KIAA0825: variants seen among roughly 807,000 people sequenced by gnomAD.
KIAA0825 encodes the protein KIAA0825.
In KIAA0825, 119 loss-of-function variants were observed where a neutral mutation model predicts 147.6. The observed-to-expected ratio is 0.81, with a 90% CI of 0.69 to 0.94. The LOEUF (loss-of-function observed/expected upper bound fraction) is 0.94, where lower values mean the gene tolerates loss of function less well. Ranked by LOEUF, KIAA0825 falls within the 40% of genes least tolerant of loss-of-function variation. The pLI is 0.00. For synonymous variants in KIAA0825, 470 were observed against 518.1 expected (o/e 0.91, Z 1.26); for missense variants, 1,381 against 1,472.7 (o/e 0.94, Z 1.02).
At chr5:94,557,825 A>T (rs1044847226) in intron 2 of KIAA0825, among the ~76,000 whole-genome samples, 1 of 152,124 alleles carries the variant, frequency 6.6e-6, no homozygotes, top group Non-Finnish European at 1.5e-5. Flanking sequence ...TTTTCACTCT[A>T]TTAAATCTTG....
In KIAA0825 at chr5:94,594,721, T is replaced by C; in HGVS notation, c.-152-12138A>G. 8 of 634,128 alleles carry C rather than the reference T, an allele frequency of 1.3e-5. No individual in the cohort carries two copies. The East Asian group carries it at 2.2e-4, about 17-fold the overall frequency. The allele number at this position is 634,128 out of a possible 1,614,324, so 39.3% of individuals were successfully genotyped here. A position where few individuals can be genotyped will look rare whatever the true frequency, so the allele number is the denominator to read the frequency against. The stretch of plus-strand genomic sequence containing the variant: ...ATTCCTTGGTTTGAATGGAACTCTA[T>C]GGCACTGTCAACAAAGGATGCTTGG... On this transcript the variant is annotated intron_variant, in intron 1 of 20. Transcript: ENST00000682413.
intron 5 of KIAA0825, among the ~76,000 whole-genome samples, chr5:94,487,953 A>C (rs1029316451): frequency 6.6e-6 from 1 of 152,104 alleles, no homozygotes; most frequent in African/African-American, 2.4e-5. Context: ...ACCCTGTCTC[A>C]AAAACAAAAC....
At chr5:94,497,309 A>G (rs1219500500) in intron 5 of KIAA0825, among the ~76,000 whole-genome samples, 3 of 152,222 alleles carry the variant, frequency 2.0e-5, no homozygotes, top group Non-Finnish European at 4.4e-5. Context: ...GTCACCAATG[A>G]GAGCCAATGC....
In KIAA0825 at chr5:94,537,045, C is replaced by A; in HGVS notation, c.82G>T (p.Glu28Ter). The change falls in exon 3 of 21, where the codon GAG becomes TAG. Residue 28 changes from glutamate to a stop codon, truncating the protein, a stop_gained. Coordinates refer to ENST00000682413, the MANE Select transcript of KIAA0825 (RefSeq NM_001145678.3). LOFTEE classifies it high-confidence loss of function. ...TCATCAATGTCACTGAAGATCTGCT[C>A]AAACTCCAAGTCTCCAGGAAATGAG... Reference protein sequence around the residue: ...LNSFPGDLEFEQIFSDIDEKI... With the variant: ...LNSFPGDLEF The A allele has an allele frequency of 6.2e-7, 1 of 1,607,314 alleles. No individual in the cohort carries two copies. The highest frequency in any genetic ancestry group is 1.1e-5 in the South Asian group (1 of 90,774).
In KIAA0825 at chr5:94,274,253, A is replaced by T. The variant is rs548021834; in HGVS notation, c.3710+110115T>A. 3.9e-5 allele frequency among the ~76,000 whole-genome samples: 6 copies of T among 152,234 alleles called. No homozygotes were observed. In the East Asian group the frequency reaches 1.2e-3, roughly 29 times the overall value. On this transcript the variant is annotated intron_variant, in intron 20 of 20. Transcript: ENST00000682413. ...TGACATAAGGCTGGTTATTAATATG[A>T]GATGGTTGAACTATCTCTTTCACCC... is the stretch of plus-strand genomic sequence containing the variant.
In KIAA0825 at chr5:94,385,023, A is replaced by G. The variant is rs574877869; in HGVS notation, c.3620-565T>C. On this transcript the variant is annotated intron_variant, in intron 19 of 20. Coordinates refer to ENST00000682413, the MANE Select transcript of KIAA0825 (RefSeq NM_001145678.3). ...CCTTTTTCTCATTAATAGAAATTTC[A>G]CAACAGACTATGGAGAAAAATTACT... is the stretch of plus-strand genomic sequence containing the variant. Among the ~76,000 whole-genome samples, 101 of 152,330 alleles carry G rather than the reference A, an allele frequency of 6.6e-4. No homozygotes were observed. In the Middle Eastern group the frequency reaches 0.017, roughly 26 times the overall value.
intron 20 of KIAA0825, among the ~76,000 whole-genome samples, chr5:94,259,056 A>C (rs572074023): frequency 6.6e-6 from 1 of 152,038 alleles, no homozygotes; most frequent in East Asian, 1.9e-4. Flanking sequence ...AACTTTTCCC[A>C]ATTTGGTCCA....
At chr5:94,342,961 GA>G (rs1380763667) in intron 20 of KIAA0825, among the ~76,000 whole-genome samples, 2 of 151,928 alleles carry the variant, frequency 1.3e-5, no homozygotes, top group African/African-American at 4.8e-5. Context: ...CCAAAAAAGA[GA>G]AAACAAAAGC....
intron 20 of KIAA0825, among the ~76,000 whole-genome samples, chr5:94,251,977 C>T (rs752062021): frequency 6.6e-6 from 1 of 151,696 alleles, no homozygotes; most frequent in Non-Finnish European, 1.5e-5. Context: ...TTTTAAGATT[C>T]CTTTTGGTTG....
At chr5:94,362,160 A>G (rs1745155886) in intron 20 of KIAA0825, among the ~76,000 whole-genome samples, 1 of 152,206 alleles carries the variant, frequency 6.6e-6, no homozygotes, top group African/African-American at 2.4e-5. Context: ...TTGATCTATG[A>G]ACTACATAGG....
intron 3 of KIAA0825, among the ~76,000 whole-genome samples, chr5:94,528,662 C>G (rs775088083): frequency 6.6e-6 from 1 of 151,910 alleles, no homozygotes; most frequent in Non-Finnish European, 1.5e-5. Flanking sequence ...AAACTAGTGA[C>G]AGAAGCAAGA....
chr5:94,586,118 C>A (rs536626793), intron 1 of KIAA0825, among the ~76,000 whole-genome samples: 1 of 152,030 alleles, frequency 6.6e-6, no homozygotes, highest in Non-Finnish European at 1.5e-5. Context: ...CCTAACATCA[C>A]AATTAAAAGA....
intron 20 of KIAA0825, among the ~76,000 whole-genome samples, chr5:94,196,244 A>G (rs940230735): frequency 2.6e-5 from 4 of 152,124 alleles, no homozygotes; most frequent in African/African-American, 4.8e-5. Context: ...TTTTTCCTGT[A>G]TCAGCTCTAC....
chr5:94,386,901 C>T (rs1035397885), intron 18 of KIAA0825, among the ~76,000 whole-genome samples: 1 of 152,184 alleles, frequency 6.6e-6, no homozygotes, highest in Non-Finnish European at 1.5e-5. Flanking sequence ...AGCTCCTAAA[C>T]TCTATTTCCA....
In KIAA0825 at chr5:94,152,847, AAAAAAAAATTATATATATATAT is replaced by A. The variant is rs1583679707; in HGVS notation, c.*1138_*1159del. Reference sequence around the variant, plus strand: ...AAAAAAAAAAAAAAAAAAAAAAAAAAAAAAAAAATTATATATATATATATATATATATATATATATATATATA... The same window carrying A: ...AAAAAAAAAAAAAAAAAAAAAAAAAAATATATATATATATATATATATATA... On this transcript the variant is annotated 3_prime_UTR_variant, in exon 21 of 21. Transcript: ENST00000682413. The A allele has an allele frequency of 1.3e-4, 4 of 30,146 alleles. No homozygotes were observed. The highest frequency in any genetic ancestry group is 4.5e-4 in the African/African-American group (4 of 8,882). 1.9% of individuals were successfully genotyped at this position (30,146 alleles called of 1,614,324 possible).
At chr5:94,234,547 A>G (rs1002446528) in intron 20 of KIAA0825, among the ~76,000 whole-genome samples, 1 of 152,208 alleles carries the variant, frequency 6.6e-6, no homozygotes, top group Non-Finnish European at 1.5e-5. Context: ...ATGGTGCTGC[A>G]GGCTTTACAG....
intron 2 of KIAA0825, among the ~76,000 whole-genome samples, chr5:94,574,179 T>C (rs1043901984): frequency 5.9e-5 from 9 of 152,062 alleles, no homozygotes; most frequent in Admixed American, 6.5e-5. Context: ...GGCCCCACAG[T>C]TGGAGACATT....
At chr5:94,227,327 C>T (rs1281684303) in intron 20 of KIAA0825, among the ~76,000 whole-genome samples, 10 of 151,658 alleles carry the variant, frequency 6.6e-5, no homozygotes, top group Non-Finnish European at 1.5e-4. Flanking sequence ...TATTCTCACT[C>T]ATAGGTGGGA....
At chr5:94,423,178 C>G in intron 14 of KIAA0825, among the ~76,000 whole-genome samples, 1 of 152,128 alleles carries the variant, frequency 6.6e-6, no homozygotes, top group Middle Eastern at 3.4e-3. Context: ...AAGTGGGGAG[C>G]TGGGGGGTTG....
Sources: allele counts gnomAD v4.1 joint callset (sites outside exome capture counted in the v4.1 genomes callset), GRCh38; gene constraint gnomAD v4.1.1; transcripts MANE v1.5; gene names NCBI Gene and HGNC (gene_info 2026-07-23, HGNC 2026-07-21).